VWF: variants seen among roughly 807,000 people sequenced by gnomAD.
VWF encodes Factor VIII related antigen.
Under a neutral mutation model 308.6 loss-of-function variants are expected in VWF, and 176 were observed. The observed-to-expected ratio is 0.57, with a 90% CI of 0.50 to 0.65. VWF has a LOEUF of 0.65. Ranked by LOEUF, VWF falls within the 30% of genes least tolerant of loss-of-function variation. The pLI is 0.00. For missense variants in VWF, 3,146 were observed against 3,648.2 expected (o/e 0.86, Z 3.55); for synonymous variants, 1,385 against 1,443.4 (o/e 0.96, Z 0.92).
intron 5 of VWF, among the ~76,000 whole-genome samples, chr12:6,103,443 C>T (rs1484519216): frequency 2.6e-5 from 3 of 115,762 alleles, no homozygotes; most frequent in Non-Finnish European, 5.0e-5. Context: ...TGTGTATATA[C>T]ATACACATAT....
intron 6 of VWF, among the ~76,000 whole-genome samples, chr12:6,079,410 T>C (rs1057325736): frequency 1.3e-5 from 2 of 151,810 alleles, no homozygotes; most frequent in Non-Finnish European, 1.5e-5. Context: ...ATCAAGACCA[T>C]CCTGGCTAAC....
At chr12:6,109,406 T>C (rs1945279879) in intron 5 of VWF, among the ~76,000 whole-genome samples, 2 of 152,332 alleles carry the variant, frequency 1.3e-5, no homozygotes, top group South Asian at 4.1e-4. Context: ...TAAATGTACA[T>C]ATCAGACAAT....
chr12:6,045,305 C>T (rs928147112), intron 17 of VWF, among the ~76,000 whole-genome samples: 3 of 152,182 alleles, frequency 2.0e-5, no homozygotes, highest in African/African-American at 7.2e-5. Context: ...AAATTTCTAG[C>T]CTTATTTTTA....
chr12:6,039,523 C>G (rs1303051268), intron 18 of VWF, among the ~76,000 whole-genome samples: 2 of 152,210 alleles, frequency 1.3e-5, no homozygotes, highest in African/African-American at 4.8e-5. Flanking sequence ...GGAGAGTGAT[C>G]TGATTAAAGC....
At position 6,027,742 on chromosome 12, in the gene VWF, C is replaced by T. The variant is rs531461664; in HGVS notation, c.2967+1600G>A. 3.0e-3 allele frequency among the ~76,000 whole-genome samples: 456 copies of T among 152,112 alleles called. 5 individuals are homozygous for T. The highest frequency in any genetic ancestry group is 0.024 in the Middle Eastern group (7 of 294). On this transcript the variant is annotated intron_variant, in intron 22 of 51. Transcript: ENST00000261405. ...ATGCAGCCCTGCCCACCAATTTTAGCTTTCCAACCTCTAGAACCATATGAT... is the reference window on the plus strand; with the variant it reads ...ATGCAGCCCTGCCCACCAATTTTAGTTTTCCAACCTCTAGAACCATATGAT...
In VWF at chr12:6,016,260, G is replaced by C. The variant is rs746271265; in HGVS notation, c.5312-28C>G. 12 of 1,614,206 alleles carry C rather than the reference G, an allele frequency of 7.4e-6. No homozygotes were observed. In the East Asian group the frequency reaches 2.7e-4, roughly 36 times the overall value. ...GAGGATGGAGAACAGATCACGCCAA[G>C]TCAGTACTGACTGCGGCTCGACACC... On this transcript the variant is annotated intron_variant, in intron 30 of 51. Coordinates refer to ENST00000261405, the MANE Select transcript of VWF (RefSeq NM_000552.5).
rs1180390975 is a variant in VWF, at chr12:6,023,323, C to T, written c.3379+308G>A. ...TCACTCATATTGGCAAATATAATCA[C>T]GCCTAATTAAAGACATAAATCGACT... is the stretch of plus-strand genomic sequence containing the variant. On this transcript the variant is annotated intron_variant, in intron 25 of 51. Coordinates refer to ENST00000261405, the MANE Select transcript of VWF (RefSeq NM_000552.5). Among the ~76,000 whole-genome samples the T allele has an allele frequency of 3.3e-5, 5 of 152,152 alleles. 1 individual carries two copies.
Position 6,046,113 on chromosome 12 carries a change from A to G in VWF, c.2281+610T>C, listed in dbSNP as rs1244408366. On this transcript the variant is annotated intron_variant, in intron 17 of 51. Coordinates refer to ENST00000261405, the MANE Select transcript of VWF (RefSeq NM_000552.5). The surrounding 1 kb of genome is among the most constrained non-coding windows in gnomAD (Gnocchi z 5.0). ...GTGGCGCATGCCTGTAATTCCAGCT[A>G]CTTGGGAGGCTGAGGCACGAGAATT... Among the ~76,000 whole-genome samples, 2 of 152,174 alleles carry G rather than the reference A, an allele frequency of 1.3e-5. No homozygotes were observed. The highest frequency in any genetic ancestry group is 1.9e-4 in the East Asian group (1 of 5,190).
intron 20 of VWF, among the ~76,000 whole-genome samples, chr12:6,032,939 TAC>T (rs1944287973): frequency 6.6e-6 from 1 of 150,410 alleles, no homozygotes; most frequent in African/African-American, 2.5e-5. Context: ...CGCTCACGCA[TAC>T]ACACACATAC....
chr12:6,087,857 G>A (rs1250941430), intron 6 of VWF, among the ~76,000 whole-genome samples: 3 of 152,116 alleles, frequency 2.0e-5, no homozygotes, highest in Non-Finnish European at 4.4e-5. Flanking sequence ...AGCTGTCGGA[G>A]GTTGCTGCTG....
rs2239159 is a variant in VWF at position 6,063,182 on chromosome 12, C to T, written c.1433-128G>A. 3.8e-6 allele frequency: 3 copies of T among 783,078 alleles called. No individual in the cohort carries two copies. The highest frequency in any genetic ancestry group is 2.0e-5 in the Admixed American group (1 of 49,820). 48.5% of individuals were successfully genotyped at this position (783,078 alleles called of 1,614,324 possible). A position where few individuals can be genotyped will look rare whatever the true frequency, so the allele number is the denominator to read the frequency against. On this transcript the variant is annotated intron_variant, in intron 12 of 51. Coordinates refer to ENST00000261405, the MANE Select transcript of VWF (RefSeq NM_000552.5). The surrounding 1 kb of genome is among the most constrained non-coding windows in gnomAD (Gnocchi z 4.9). The stretch of plus-strand genomic sequence containing the variant: ...GCACTGAAGAGCAATGACTTAGGGG[C>T]AGATGGGGTGGCCATGAGGTTTAAG...
chr12:6,088,877 T>C (rs1945002341), intron 6 of VWF, among the ~76,000 whole-genome samples: 1 of 152,176 alleles, frequency 6.6e-6, no homozygotes, highest in African/African-American at 2.4e-5. Flanking sequence ...GAGACAGGCA[T>C]TGGGTTTTGT....
At chr12:6,039,647 G>A (rs192225080) in intron 18 of VWF, among the ~76,000 whole-genome samples, 24 of 152,240 alleles carry the variant, frequency 1.6e-4, no homozygotes, top group Non-Finnish European at 2.4e-4. Context: ...CAGTAAGCCC[G>A]ACTGAGTGAC....
intron 22 of VWF, among the ~76,000 whole-genome samples, chr12:6,027,103 T>C (rs1175076058): frequency 6.6e-6 from 1 of 152,200 alleles, no homozygotes; most frequent in Non-Finnish European, 1.5e-5. Context: ...AGAGGAAGAA[T>C]GTTCTCACTG....
chr12:6,012,244 A>G lies in VWF; in HGVS notation c.5621-114T>C, dbSNP rs1944005268. 7.9e-6 allele frequency: 9 copies of G among 1,144,010 alleles called. No homozygotes were observed. In the Admixed American group the frequency reaches 1.5e-4, roughly 19 times the overall value. The allele number at this position is 1,144,010 out of a possible 1,614,324, so 70.9% of individuals were successfully genotyped here. A position where few individuals can be genotyped will look rare whatever the true frequency, so the allele number is the denominator to read the frequency against. On this transcript the variant is annotated intron_variant, in intron 32 of 51. Transcript: ENST00000261405. ...AGTTTTTGAAGTCAACTCAACTCTG[A>G]AAAGAATCTGAACAAGGTTAACAGT...
rs182971153 is a variant in VWF, at chr12:6,035,607, A to G, written c.2546+781T>C. Among the ~76,000 whole-genome samples the G allele has an allele frequency of 3.8e-4, 58 of 152,264 alleles. 1 individual carries two copies. Among genetic ancestry groups the G allele is most frequent in the African/African-American group, 1.4e-3 (57 of 41,564 alleles). On this transcript the variant is annotated intron_variant, in intron 19 of 51. Transcript: ENST00000261405. The stretch of plus-strand genomic sequence containing the variant: ...ATGGCCAAGGAAAAGGGAGAAGGCA[A>G]CCAGCCACCCTCACCTCAAACCACG...
intron 38 of VWF, among the ~76,000 whole-genome samples, chr12:5,990,891 AAAAAAAAAAAAAAAAAATT>A (rs1943733408): frequency 1.6e-5 from 2 of 121,338 alleles, no homozygotes; most frequent in Admixed American, 8.4e-5. Context: ...AAAAAAAAAA[AAAAAAAAAAAAAAAAAATT>A]TTGATGACTC....
intron 47 of VWF, among the ~76,000 whole-genome samples, chr12:5,964,109 C>T (rs1943352652): frequency 6.6e-6 from 1 of 152,050 alleles, no homozygotes; most frequent in African/African-American, 2.4e-5. Context: ...CCCAGCTACT[C>T]AGGAGGCTGA....
chr12:6,116,607 G>A (rs1448433590), intron 3 of VWF, among the ~76,000 whole-genome samples: 1 of 152,182 alleles, frequency 6.6e-6, no homozygotes, highest in Admixed American at 6.5e-5. Context: ...AGATCCTGCA[G>A]CCGTAGCTTA....
Sources: gnomAD v4.1 joint callset for allele counts (sites outside exome capture counted in the v4.1 genomes callset) on GRCh38, gnomAD v4.1.1 for gene constraint, Gnocchi (gnomAD v3.1) non-coding constraint, MANE v1.5 for transcripts, NCBI Gene and HGNC (gene_info 2026-07-23, HGNC 2026-07-21) for gene names.